Variants in SLC35E3 observed in about 807,000 individuals in gnomAD.
SLC35E3 encodes the protein solute carrier family 35 member E3, also known as bladder cancer-overexpressed gene 1 protein.
SLC35E3 carries 28 observed loss-of-function variants against 30.8 expected under a neutral mutation model. That is an observed-to-expected ratio of 0.91 (90% CI 0.67 to 1.25). The LOEUF (loss-of-function observed/expected upper bound fraction) is 1.25, where lower values mean the gene tolerates loss of function less well. Among genes scored for constraint, SLC35E3 ranks in the 50% most tolerant of loss-of-function variants. The probability of loss-of-function intolerance (pLI) is 0.00; values close to 1 mark genes in which losing one functional copy is unlikely to be tolerated. For synonymous variants in SLC35E3, 146 were observed against 149.2 expected (o/e 0.98, Z 0.16); for missense variants, 365 against 375.4 (o/e 0.97, Z 0.23).
At chr12:68,757,791 TAAG>T (rs1879078069) in intron 3 of SLC35E3, among the ~76,000 whole-genome samples, 1 of 152,128 alleles carries the variant, frequency 6.6e-6, no homozygotes, top group South Asian at 2.1e-4. Flanking sequence ...TTGAGTTAAA[TAAG>T]AATAAAAATG....
At chr12:68,752,005 A>G (rs200878689) in intron 2 of SLC35E3, 27 bp from the exon 3 acceptor site, 9 of 1,552,800 alleles carry the variant, frequency 5.8e-6, no homozygotes, top group Non-Finnish European at 6.9e-6. Context: ...CTTTTGTGCC[A>G]GACATGTTTT....
rs1223733932 is a variant in SLC35E3 at position 68,778,039 on chromosome 12, G to A, written c.*13149G>A. ...AGGCTGAGGTGGGAGGATCACCCAA[G>A]CCCAGGGAGGTCGAGGCTGCAATGA... On this transcript the variant is annotated 3_prime_UTR_variant, in exon 5 of 5. Coordinates refer to ENST00000398004, the MANE Select transcript of SLC35E3 (RefSeq NM_018656.5). The A allele has an allele frequency of 6.6e-6, 1 of 152,014 alleles. No homozygotes were observed. The highest frequency in any genetic ancestry group is 1.9e-4 in the East Asian group (1 of 5,174). 9.4% of individuals were successfully genotyped at this position (152,014 alleles called of 1,614,324 possible).
At position 68,775,429 on chromosome 12, in the gene SLC35E3, ACT is replaced by A. The variant is rs1208022984; in HGVS notation, c.*10544_*10545del. ...GGTGAGAGACTTCTTGTTCCTGGGA[ACT>A]CTCTGCAGAGACCCAAGGTGGCAGA... is the stretch of plus-strand genomic sequence containing the variant. On this transcript the variant is annotated 3_prime_UTR_variant, in exon 5 of 5. Coordinates refer to ENST00000398004, the MANE Select transcript of SLC35E3 (RefSeq NM_018656.5). 6.6e-6 allele frequency: 1 copy of A among 152,032 alleles called. No individual in the cohort carries two copies. Among genetic ancestry groups the A allele is most frequent in the Non-Finnish European group, 1.5e-5 (1 of 68,020 alleles). 9.4% of individuals were successfully genotyped at this position (152,032 alleles called of 1,614,324 possible).
intron 3 of SLC35E3, among the ~76,000 whole-genome samples, chr12:68,754,316 C>G (rs1323623785): frequency 6.6e-6 from 1 of 152,110 alleles, no homozygotes; most frequent in Non-Finnish European, 1.5e-5. Flanking sequence ...CAGAGTCTCA[C>G]TCTGTCACCC....
chr12:68,772,981 A>G lies in SLC35E3; in HGVS notation c.*8091A>G, dbSNP rs1323049156. The stretch of plus-strand genomic sequence containing the variant: ...AAGATGGGACGTTCAAGCAGAAACA[A>G]AAAGAGGAGCTAAAAGTGAAAGCCA... On this transcript the variant is annotated 3_prime_UTR_variant, in exon 5 of 5. Transcript: ENST00000398004. 6.6e-6 allele frequency: 1 copy of G among 152,314 alleles called. No individual in the cohort carries two copies. Among genetic ancestry groups the G allele is most frequent in the Non-Finnish European group, 1.5e-5 (1 of 68,174 alleles). 9.4% of individuals were successfully genotyped at this position (152,314 alleles called of 1,614,324 possible).
chr12:68,746,785 T>C lies in SLC35E3; in HGVS notation c.402+6T>C. ...CCAGAATCCAGCTCACGCTGGTGAG[T>C]AGCTTCAGCTTCCCAAGGCGCCGCT... On this transcript the variant is annotated splice_donor_region_variant and intron_variant, in intron 1 of 4. Coordinates refer to ENST00000398004, the MANE Select transcript of SLC35E3 (RefSeq NM_018656.5). The C allele has an allele frequency of 1.9e-6, 3 of 1,555,814 alleles. No homozygotes were observed. The highest frequency in any genetic ancestry group is 2.6e-6 in the Non-Finnish European group (3 of 1,149,546).
intron 4 of SLC35E3, among the ~76,000 whole-genome samples, chr12:68,761,607 A>G (rs1263967800): frequency 6.6e-6 from 1 of 152,142 alleles, no homozygotes; most frequent in African/African-American, 2.4e-5. Context: ...GACAACCAAA[A>G]ATGCCTCCAA....
intron 3 of SLC35E3, among the ~76,000 whole-genome samples, chr12:68,757,663 A>C (rs1879072534): frequency 6.6e-6 from 1 of 152,258 alleles, no homozygotes; most frequent in Admixed American, 6.5e-5. Flanking sequence ...AGCAGTGATC[A>C]TCATGATTTT....
chr12:68,751,626 T>A (rs1878798169), intron 2 of SLC35E3, among the ~76,000 whole-genome samples: 1 of 152,166 alleles, frequency 6.6e-6, no homozygotes, highest in South Asian at 2.1e-4. Flanking sequence ...TTGCCATTTT[T>A]AGAAAGAAAT....
At chr12:68,757,572 T>C (rs1879068810) in intron 3 of SLC35E3, among the ~76,000 whole-genome samples, 1 of 152,202 alleles carries the variant, frequency 6.6e-6, no homozygotes. Flanking sequence ...AACTACTTTG[T>C]GGATGTATGT....
intron 3 of SLC35E3, among the ~76,000 whole-genome samples, chr12:68,757,867 C>G (rs1398435660): frequency 6.6e-6 from 1 of 151,832 alleles, no homozygotes; most frequent in Non-Finnish European, 1.5e-5. Context: ...GGGTGCAGAT[C>G]ACCTGAGGTC....
rs74589918 is a variant in SLC35E3 at position 68,751,712 on chromosome 12, C to T, written c.514-320C>T. Among the ~76,000 whole-genome samples the T allele has an allele frequency of 2.2e-4, 34 of 152,208 alleles. No homozygotes were observed. The East Asian group carries it at 4.0e-3, about 18-fold the overall frequency. ...CCTTATTTTCCCAAGATCTTTTATC[C>T]TTGTAGGCCCTTATATGCATTTATT... On this transcript the variant is annotated intron_variant, in intron 2 of 4. Coordinates refer to ENST00000398004, the MANE Select transcript of SLC35E3 (RefSeq NM_018656.5).
rs1408369507 is a variant in SLC35E3 at position 68,765,280 on chromosome 12, C to T, written c.*390C>T. 6.6e-6 allele frequency: 1 copy of T among 152,070 alleles called. No homozygotes were observed. The highest frequency in any genetic ancestry group is 2.4e-5 in the African/African-American group (1 of 41,000). The allele number at this position is 152,070 out of a possible 1,614,324, so 9.4% of individuals were successfully genotyped here. On this transcript the variant is annotated 3_prime_UTR_variant, in exon 5 of 5. Coordinates refer to ENST00000398004, the MANE Select transcript of SLC35E3 (RefSeq NM_018656.5). ...TCAAAAAAAAAAAATTGGTGACAGA[C>T]TCAATGATGGAATGATTTGTCGGAA...
chr12:68,747,197 T>C (rs1592532028), intron 1 of SLC35E3, among the ~76,000 whole-genome samples: 1 of 152,212 alleles, frequency 6.6e-6, no homozygotes. Flanking sequence ...ACTTTAGAGC[T>C]GTCTGCATCT....
intron 1 of SLC35E3, among the ~76,000 whole-genome samples, 153 bp downstream of exon 1, chr12:68,746,932 A>T (rs544023890): frequency 1.3e-4 from 20 of 152,300 alleles, no homozygotes; most frequent in African/African-American, 3.9e-4. Context: ...TATTTTAGGG[A>T]GGGGGAAAAG....
intron 3 of SLC35E3, 136 bp downstream of exon 3, chr12:68,752,326 A>G (rs780262035): frequency 1.2e-5 from 11 of 936,866 alleles, no homozygotes; most frequent in Non-Finnish European, 1.7e-5. Flanking sequence ...AAAAGGAGGT[A>G]AGGTAAGGAT....
chr12:68,765,023 A>T lies in SLC35E3; in HGVS notation c.*133A>T. The T allele has an allele frequency of 1.4e-6, 1 of 739,714 alleles. No homozygotes were observed. The highest frequency in any genetic ancestry group is 2.1e-6 in the Non-Finnish European group (1 of 474,556). The allele number at this position is 739,714 out of a possible 1,614,324, so 45.8% of individuals were successfully genotyped here. A position where few individuals can be genotyped will look rare whatever the true frequency, so the allele number is the denominator to read the frequency against. ...TGTAATCCCAGCACTTTGGGAGGCC[A>T]AGGCCAGCGGATCACTTGAGGTCAG... On this transcript the variant is annotated 3_prime_UTR_variant, in exon 5 of 5. Coordinates refer to ENST00000398004, the MANE Select transcript of SLC35E3 (RefSeq NM_018656.5).
intron 3 of SLC35E3, among the ~76,000 whole-genome samples, chr12:68,755,924 T>C (rs1033435443): frequency 1.3e-5 from 2 of 152,158 alleles, no homozygotes; most frequent in Non-Finnish European, 2.9e-5. Context: ...ACCATTGTTA[T>C]TATTTTTACT....
chr12:68,749,681 C>T (rs893878420), intron 2 of SLC35E3, among the ~76,000 whole-genome samples: 1 of 152,130 alleles, frequency 6.6e-6, no homozygotes, highest in African/African-American at 2.4e-5. Context: ...GAAAAGTTAA[C>T]AATTTAAATT....
Sources: gnomAD v4.1 joint callset for allele counts (sites outside exome capture counted in the v4.1 genomes callset) on GRCh38, gnomAD v4.1.1 for gene constraint, MANE v1.5 for transcripts, NCBI Gene and HGNC (gene_info 2026-07-23, HGNC 2026-07-21) for gene names.